The following RSRC1 variants were observed in gnomAD, a reference collection of about 807,000 sequenced individuals.
The protein encoded by RSRC1 is arginine and serine rich coiled-coil 1.
In RSRC1, 39 loss-of-function variants were observed where a neutral mutation model predicts 49.1. That is an observed-to-expected ratio of 0.79 (90% CI 0.61 to 1.04). RSRC1 has a LOEUF of 1.04. Among genes scored for constraint, RSRC1 ranks in the 50% least tolerant of loss-of-function variants. RSRC1 has a pLI of 0.00. For missense variants in RSRC1, 388 were observed against 402.4 expected (o/e 0.96, Z 0.31); for synonymous variants, 143 against 130.8 (o/e 1.09, Z -0.63).
chr3:158,469,467 C>T (rs930945715), intron 7 of RSRC1: 1 of 386,162 alleles, frequency 2.6e-6, no homozygotes, highest in Non-Finnish European at 5.1e-6. Flanking sequence ...CATGCAAAGT[C>T]TTATACTATA....
At chr3:158,263,832 T>A (rs566569089) in intron 4 of RSRC1, among the ~76,000 whole-genome samples, 1 of 152,300 alleles carries the variant, frequency 6.6e-6, no homozygotes, top group East Asian at 1.9e-4. Flanking sequence ...ATAAAGCTGT[T>A]TAGGATGTTC....
rs369591037 is a variant in RSRC1, at chr3:158,228,869, A to G, written c.494+25624A>G. On this transcript the variant is annotated intron_variant, in intron 4 of 9. Coordinates refer to ENST00000611884, the MANE Select transcript of RSRC1 (RefSeq NM_001271838.2). ...TAAACACACATACGTGTATATATGT[A>G]TATAAACACATACGTGTAATGTGTA... Among the ~76,000 whole-genome samples the G allele has an allele frequency of 9.6e-5, 7 of 73,280 alleles. 1 individual carries two copies. The highest frequency in any genetic ancestry group is 8.1e-4 in the South Asian group (2 of 2,472). 48.1% of individuals were successfully genotyped at this position (73,280 alleles called of 152,430 possible).
chr3:158,144,158 A>T (rs1188322432), intron 3 of RSRC1, among the ~76,000 whole-genome samples: 1 of 152,198 alleles, frequency 6.6e-6, no homozygotes, highest in Non-Finnish European at 1.5e-5. Context: ...ATTATACTTT[A>T]AGTTTTAGGG....
intron 3 of RSRC1, among the ~76,000 whole-genome samples, chr3:158,165,971 A>G (rs559649332): frequency 3.1e-4 from 47 of 152,256 alleles, no homozygotes; most frequent in Admixed American, 7.2e-4. Flanking sequence ...GGACATCTCT[A>G]AGGAATTAGT....
intron 3 of RSRC1, among the ~76,000 whole-genome samples, chr3:158,158,932 C>A (rs1240191910): frequency 3.6e-5 from 4 of 112,656 alleles, no homozygotes; most frequent in Non-Finnish European, 7.2e-5. Flanking sequence ...GAGTGAGACT[C>A]TGTCTCAAAA....
chr3:158,193,655 A>G (rs1720369567), intron 3 of RSRC1, among the ~76,000 whole-genome samples: 2 of 152,078 alleles, frequency 1.3e-5, no homozygotes, highest in South Asian at 4.2e-4. Flanking sequence ...TTATCAGAAA[A>G]CTTTAGAATT....
chr3:158,459,401 G>T lies in RSRC1; in HGVS notation c.584-1534G>T, dbSNP rs180993473. 2.0e-5 allele frequency among the ~76,000 whole-genome samples: 3 copies of T among 152,202 alleles called. No homozygotes were observed. In the East Asian group the frequency reaches 5.8e-4, roughly 29 times the overall value. The stretch of plus-strand genomic sequence containing the variant: ...AATCCATCTTACGTTGTTAATGGAG[G>T]TTCTTGAAATCCACCTGATGTTTGC... On this transcript the variant is annotated intron_variant, in intron 6 of 9. Coordinates refer to ENST00000611884, the MANE Select transcript of RSRC1 (RefSeq NM_001271838.2).
At chr3:158,350,913 A>G (rs1730836399) in intron 5 of RSRC1, among the ~76,000 whole-genome samples, 1 of 152,200 alleles carries the variant, frequency 6.6e-6, no homozygotes, top group Admixed American at 6.5e-5. Context: ...AGGTATTTTC[A>G]TTCTAAGCCA....
chr3:158,382,529 G>A, intron 6 of RSRC1, among the ~76,000 whole-genome samples: 1 of 152,036 alleles, frequency 6.6e-6, no homozygotes, highest in Non-Finnish European at 1.5e-5. Context: ...GTCTTTTCTT[G>A]ACCAAAACAT....
At chr3:158,352,043 G>A (rs914364169) in intron 5 of RSRC1, among the ~76,000 whole-genome samples, 1 of 151,560 alleles carries the variant, frequency 6.6e-6, no homozygotes, top group Non-Finnish European at 1.5e-5. Context: ...GCCTAGGTGG[G>A]AGGATTGCTT....
At chr3:158,248,304 T>G (rs576984815) in intron 4 of RSRC1, among the ~76,000 whole-genome samples, 1 of 152,330 alleles carries the variant, frequency 6.6e-6, no homozygotes, top group Admixed American at 6.5e-5. Flanking sequence ...GTTTTTTATT[T>G]GTGTCTAGCT....
At chr3:158,301,808 C>G (rs1727561898) in intron 5 of RSRC1, among the ~76,000 whole-genome samples, 1 of 152,008 alleles carries the variant, frequency 6.6e-6, no homozygotes, top group Non-Finnish European at 1.5e-5. Context: ...ATTTAATTAT[C>G]TTTGGACATG....
chr3:158,319,382 C>G (rs907635878), intron 5 of RSRC1, among the ~76,000 whole-genome samples: 1 of 152,232 alleles, frequency 6.6e-6, no homozygotes, highest in Non-Finnish European at 1.5e-5. Context: ...GAGGCCTCCC[C>G]AGCCATGCGG....
At chr3:158,541,678 G>T (rs1468298591) in intron 8 of RSRC1, among the ~76,000 whole-genome samples, 1 of 152,090 alleles carries the variant, frequency 6.6e-6, no homozygotes, top group Non-Finnish European at 1.5e-5. Flanking sequence ...AATGGAAATT[G>T]AAAAACAATA....
At chr3:158,151,280 T>C (rs1422217173) in intron 3 of RSRC1, among the ~76,000 whole-genome samples, 1 of 152,084 alleles carries the variant, frequency 6.6e-6, no homozygotes, top group Non-Finnish European at 1.5e-5. Context: ...TGAAGCATGA[T>C]TGGATAAAAA....
intron 7 of RSRC1, among the ~76,000 whole-genome samples, chr3:158,470,381 A>T (rs970709512): frequency 7.2e-5 from 10 of 139,278 alleles, no homozygotes; most frequent in South Asian, 4.6e-4. Flanking sequence ...TATATATATA[A>T]AACCATCTTC....
intron 5 of RSRC1, among the ~76,000 whole-genome samples, chr3:158,350,519 A>C (rs1730815038): frequency 6.6e-6 from 1 of 152,184 alleles, no homozygotes; most frequent in South Asian, 2.1e-4. Flanking sequence ...GTTCAAGATC[A>C]AAGTGTTAGT....
intron 6 of RSRC1, among the ~76,000 whole-genome samples, chr3:158,420,457 A>G (rs1463838228): frequency 6.6e-6 from 1 of 151,950 alleles, no homozygotes; most frequent in Non-Finnish European, 1.5e-5. Flanking sequence ...GAAGATTACT[A>G]TTCTGAGAGA....
chr3:158,327,722 G>A (rs1276987929), intron 5 of RSRC1, among the ~76,000 whole-genome samples: 8 of 152,142 alleles, frequency 5.3e-5, no homozygotes, highest in African/African-American at 1.7e-4. Context: ...ATTTGGGGTG[G>A]AGAGTTCTGT....
Sources: gnomAD v4.1 joint callset for allele counts (sites outside exome capture counted in the v4.1 genomes callset) on GRCh38, gnomAD v4.1.1 for gene constraint, MANE v1.5 for transcripts, NCBI Gene and HGNC (gene_info 2026-07-23, HGNC 2026-07-21) for gene names.